Variants in ARF4 observed in about 807,000 individuals in gnomAD.
ARF4 encodes the protein ARF GTPase 4, also known as ADP-ribosylation factor 4.
ARF4 carries 5 observed loss-of-function variants against 24.3 expected under a neutral mutation model. The observed-to-expected ratio is 0.21, with a 90% CI of 0.11 to 0.43. ARF4 has a LOEUF of 0.43. Ranked by LOEUF, ARF4 falls within the 20% of genes least tolerant of loss-of-function variation. The pLI, the probability that ARF4 is intolerant of heterozygous loss-of-function variation, is 1.00. For synonymous variants in ARF4, 62 were observed against 73.5 expected (o/e 0.84, Z 0.80); for missense variants, 107 against 213.0 (o/e 0.50, Z 3.10).
At chr3:57,579,269 A>AAAAAAAC (rs2069943154) in intron 3 of ARF4, among the ~76,000 whole-genome samples, 5 of 150,494 alleles carry the variant, frequency 3.3e-5, no homozygotes, top group Non-Finnish European at 7.4e-5. Flanking sequence ...AAAAAAAAAA[A>AAAAAAAC]AAAAGGAACT....
intron 1 of ARF4, among the ~76,000 whole-genome samples, chr3:57,590,038 C>A (rs938394156): frequency 1.3e-5 from 2 of 149,294 alleles, no homozygotes; most frequent in Non-Finnish European, 3.0e-5. Context: ...CGCAGTGAGT[C>A]GAGATCATGC....
At chr3:57,589,298 C>T (rs892073254) in intron 1 of ARF4, among the ~76,000 whole-genome samples, 3 of 151,804 alleles carry the variant, frequency 2.0e-5, no homozygotes, top group African/African-American at 4.8e-5. Flanking sequence ...CAGGGTGGTG[C>T]CCATCTATAT....
rs777379437 is a variant in ARF4 at position 57,575,558 on chromosome 3, C to G, written c.446G>C (p.Arg149Pro). 2.5e-6 allele frequency: 4 copies of G among 1,612,216 alleles called. No homozygotes were observed. The highest frequency in any genetic ancestry group is 1.3e-5 in the African/African-American group (1 of 74,818). The change falls in exon 5 of 6, where the codon CGT becomes CCT. Residue 149 changes from arginine (R) to proline (P), a missense_variant. Arg to Pro is a moderately radical substitution (Grantham distance 103). Transcript: ENST00000303436. Reference sequence around the variant, plus strand: ...CCTCCAAATACTTACTGTTCTGTTACGAAGAGACTGAAGCCCTAGTTTATC... The same window carrying G: ...CCTCCAAATACTTACTGTTCTGTTAGGAAGAGACTGAAGCCCTAGTTTATC... ...MTDKLGLQSL[R>P]NRTWYVQATC...
At chr3:57,577,068 A>G (rs1227012767) in intron 4 of ARF4, among the ~76,000 whole-genome samples, 1 of 151,790 alleles carries the variant, frequency 6.6e-6, no homozygotes, top group East Asian at 1.9e-4. Context: ...AAAAAAAAAA[A>G]CAACACTGCT....
intron 1 of ARF4, among the ~76,000 whole-genome samples, chr3:57,587,694 T>C (rs1378840519): frequency 1.3e-5 from 2 of 152,158 alleles, no homozygotes; most frequent in Non-Finnish European, 2.9e-5. Context: ...CATTTTACTT[T>C]TTTAAAAAGG....
chr3:57,594,970 GTTT>G (rs999059626), intron 1 of ARF4, among the ~76,000 whole-genome samples: 6 of 152,164 alleles, frequency 3.9e-5, no homozygotes, highest in Non-Finnish European at 8.8e-5. Context: ...TGACTGAAGT[GTTT>G]TTTAGTCAAG....
chr3:57,581,092 A>G (rs11921019), intron 3 of ARF4, among the ~76,000 whole-genome samples: 58,839 of 152,168 alleles, frequency 0.39, 12,724 homozygotes, highest in South Asian at 0.56. Context: ...AAAGCCAAAT[A>G]TTTACTTATT....
intron 1 of ARF4, among the ~76,000 whole-genome samples, chr3:57,588,781 A>G (rs914300337): frequency 1.4e-5 from 2 of 140,748 alleles, no homozygotes; most frequent in African/African-American, 2.7e-5. Context: ...ACATGGCAAA[A>G]CCCTGTCACT....
At chr3:57,592,343 C>G (rs1364475831) in intron 1 of ARF4, among the ~76,000 whole-genome samples, 2 of 151,988 alleles carry the variant, frequency 1.3e-5, no homozygotes, top group Non-Finnish European at 1.5e-5. Context: ...GAAAATTAGC[C>G]GGGCATGGTG....
intron 3 of ARF4, among the ~76,000 whole-genome samples, chr3:57,582,245 C>T (rs1475365722): frequency 6.6e-6 from 1 of 151,688 alleles, no homozygotes; most frequent in Non-Finnish European, 1.5e-5. Flanking sequence ...AAACATTCTA[C>T]TATTTTTTTT....
intron 5 of ARF4, among the ~76,000 whole-genome samples, chr3:57,574,856 C>CT (rs1430539658): frequency 2.0e-5 from 3 of 150,946 alleles, no homozygotes; most frequent in South Asian, 2.1e-4. Context: ...CCCATCTCCA[C>CT]TTTTTTTTTG....
Position 57,596,871 on chromosome 3 carries a change from G to A in ARF4, c.67+203C>T, listed in dbSNP as rs972873865. The A allele has an allele frequency of 1.9e-5, 11 of 582,350 alleles. No homozygotes were observed. The African/African-American group carries it at 1.9e-4, about 10-fold the overall frequency. 36.1% of individuals were successfully genotyped at this position (582,350 alleles called of 1,614,324 possible). A position where few individuals can be genotyped will look rare whatever the true frequency, so the allele number is the denominator to read the frequency against. ...AAATCTTGCCCGAAGCCCTGTCCCT[G>A]TCTCGTCTGGCGACAGATCGGGGGC... is the stretch of plus-strand genomic sequence containing the variant. On this transcript the variant is annotated intron_variant, in intron 1 of 5. Coordinates refer to ENST00000303436, the MANE Select transcript of ARF4 (RefSeq NM_001660.4).
intron 4 of ARF4, 137 bp downstream of exon 4, chr3:57,577,179 T>C (rs1334894893): frequency 4.2e-6 from 3 of 714,542 alleles, no homozygotes; most frequent in Non-Finnish European, 7.0e-6. Context: ...CTGTGGATAA[T>C]ATAGTTTCTT....
rs536109298 is a variant in ARF4, at chr3:57,585,154, G to A, written c.68-690C>T. 2.6e-4 allele frequency among the ~76,000 whole-genome samples: 39 copies of A among 152,208 alleles called. No individual in the cohort carries two copies. The South Asian group carries it at 3.3e-3, about 13-fold the overall frequency. ...GCTGGGATTACAAGCGTGAGCCACC[G>A]TGCCCAGCCATACTACCATTTTTAA... On this transcript the variant is annotated intron_variant, in intron 1 of 5. Coordinates refer to ENST00000303436, the MANE Select transcript of ARF4 (RefSeq NM_001660.4).
rs2069844301 is a variant in ARF4 at position 57,571,679 on chromosome 3, T to C, written c.*533A>G. 1 of 152,888 alleles carries C rather than the reference T, an allele frequency of 6.5e-6. No individual in the cohort carries two copies. The highest frequency in any genetic ancestry group is 2.4e-5 in the African/African-American group (1 of 41,452). 9.5% of individuals were successfully genotyped at this position (152,888 alleles called of 1,614,324 possible). A position where few individuals can be genotyped will look rare whatever the true frequency, so the allele number is the denominator to read the frequency against. ...CCACCAAGGTTAAGTTTGGCTGATG[T>C]AGGCCAGGAGTCAATGTAGGGGGAA... On this transcript the variant is annotated 3_prime_UTR_variant, in exon 6 of 6. Coordinates refer to ENST00000303436, the MANE Select transcript of ARF4 (RefSeq NM_001660.4).
intron 2 of ARF4, 72 bp downstream of exon 2, chr3:57,584,312 T>A: frequency 7.7e-7 from 1 of 1,293,282 alleles, no homozygotes; most frequent in East Asian, 2.3e-5. Context: ...AAAAAGACAA[T>A]CTCAAAACTA....
chr3:57,590,089 C>CGATAAATA (rs1553731274), intron 1 of ARF4, among the ~76,000 whole-genome samples: 1 of 135,164 alleles, frequency 7.4e-6, no homozygotes, highest in African/African-American at 2.7e-5. Context: ...GACTCTGTCT[C>CGATAAATA]AATAAATAAA....
intron 3 of ARF4, among the ~76,000 whole-genome samples, chr3:57,578,786 A>G (rs1279055671): frequency 6.6e-6 from 1 of 152,102 alleles, no homozygotes; most frequent in Non-Finnish European, 1.5e-5. Flanking sequence ...GCCCATTATT[A>G]GAATTCTATA....
At chr3:57,581,599 G>A (rs1037569729) in intron 3 of ARF4, among the ~76,000 whole-genome samples, 8 of 152,110 alleles carry the variant, frequency 5.3e-5, no homozygotes, top group East Asian at 1.9e-4. Flanking sequence ...TCAGGAGATC[G>A]AGACCAGCCT....
Sources: allele counts gnomAD v4.1 joint callset (sites outside exome capture counted in the v4.1 genomes callset), GRCh38; gene constraint gnomAD v4.1.1; transcripts MANE v1.5; gene names NCBI Gene and HGNC (gene_info 2026-07-23, HGNC 2026-07-21).